CD163L1: variants seen among roughly 807,000 people sequenced by gnomAD.
CD163L1 encodes the protein scavenger receptor cysteine-rich type 1 protein M160.
A neutral mutation model predicts 165.4 loss-of-function variants in CD163L1; 124 were observed. That is an observed-to-expected ratio of 0.75 (90% CI 0.65 to 0.87). The LOEUF (loss-of-function observed/expected upper bound fraction) is 0.87. Among genes scored for constraint, CD163L1 ranks in the 40% least tolerant of loss-of-function variants. The pLI is 0.00. For missense variants in CD163L1, 1,525 were observed against 1,799.9 expected (o/e 0.85, Z 2.76); for synonymous variants, 585 against 662.2 (o/e 0.88, Z 1.79).
chr12:7,348,091 T>C (rs1946682184), intron 4 of CD163L1, among the ~76,000 whole-genome samples: 1 of 152,216 alleles, frequency 6.6e-6, no homozygotes. Context: ...AATTTGTTTT[T>C]TTCTTATATT....
chr12:7,353,668 C>G (rs1478647398), downstream of CD163L1, among the ~76,000 whole-genome samples: 5 of 151,952 alleles, frequency 3.3e-5, no homozygotes, highest in East Asian at 9.6e-4. Context: ...AGAGAGAGGA[C>G]AGACAAAAGA....
chr12:7,369,718 A>G lies in CD163L1; in HGVS notation c.3731-53T>C, dbSNP rs1947107259. On this transcript the variant is annotated intron_variant, in intron 14 of 19. Transcript: ENST00000313599. This position sits in a 1 kb window ranked among gnomAD's most constrained non-coding sequence, Gnocchi z 4.9. ...TTACTCCTGAAGGAGGTTGTGGGAG[A>G]ATGCTGAGGTAGAAAAACTTGAAAG... 2 of 1,528,592 alleles carry G rather than the reference A, an allele frequency of 1.3e-6. No homozygotes were observed. The highest frequency in any genetic ancestry group is 1.8e-6 in the Non-Finnish European group (2 of 1,121,500). The allele number at this position is 1,528,592 out of a possible 1,614,324, so 94.7% of individuals were successfully genotyped here. A position where few individuals can be genotyped will look rare whatever the true frequency, so the allele number is the denominator to read the frequency against.
intron 1 of CD163L1, among the ~76,000 whole-genome samples, chr12:7,443,154 AC>A (rs542755594): frequency 7.9e-4 from 121 of 152,296 alleles, no homozygotes; most frequent in Non-Finnish European, 1.5e-3. Context: ...AACTGTAGAA[AC>A]CCTTTTTCAA....
the CD163L1 span, chr12:7,324,407 A>G: frequency 2.0e-5 from 32 of 1,613,944 alleles, no homozygotes; most frequent in Non-Finnish European, 2.5e-5. Context: ...CTGGGTTTGT[A>G]TATTTGCCAC....
intron 4 of CD163L1, among the ~76,000 whole-genome samples, chr12:7,420,986 T>C (rs1355876500): frequency 7.2e-6 from 1 of 138,410 alleles, no homozygotes; most frequent in Non-Finnish European, 1.5e-5. Flanking sequence ...GAAATTGTGG[T>C]ATATATATAC....
rs772048774 is a variant in CD163L1, at chr12:7,406,767, C to T, written c.852G>A (p.Gly284=). ...TGTTCCACTTATGGTGGCATACGGTCCCCCACCTTCCTTGGATTTTCAGCT... is the reference window on the plus strand; with the variant it reads ...TGTTCCACTTATGGTGGCATACGGTTCCCCACCTTCCTTGGATTTTCAGCT... ...RVELKIQGRW[G]TVCHHKWNNA... is the part of the protein sequence containing the mutation. The change falls in exon 5 of 20, where the codon GGG becomes GGA. Residue 284 remains glycine (G), a synonymous_variant. Coordinates refer to ENST00000313599, the MANE Select transcript of CD163L1 (RefSeq NM_174941.6). The T allele has an allele frequency of 3.7e-6, 6 of 1,613,848 alleles. No individual in the cohort carries two copies. Among genetic ancestry groups the T allele is most frequent in the Non-Finnish European group, 5.1e-6 (6 of 1,179,968 alleles).
In CD163L1 at chr12:7,407,692, G is replaced by C. The variant is rs115195216; in HGVS notation, c.767-840C>G. 2.9e-3 allele frequency among the ~76,000 whole-genome samples: 436 copies of C among 151,136 alleles called. 2 individuals carry two copies. The highest frequency in any genetic ancestry group is 0.01 in the African/African-American group (415 of 41,200). On this transcript the variant is annotated intron_variant, in intron 4 of 19. Transcript: ENST00000313599. ...ATATATACACACACATATATATAGT[G>C]ATCAATTTTGCTAAGTGATATAAAG... is the stretch of plus-strand genomic sequence containing the variant.
chr12:7,444,086 C>G lies in CD163L1; in HGVS notation c.31+11G>C, dbSNP rs372595866. On this transcript the variant is annotated intron_variant, in intron 1 of 19. Coordinates refer to ENST00000313599, the MANE Select transcript of CD163L1 (RefSeq NM_174941.6). ...CCCAAATGGCAGAGCAAAATAAAAGCAAAACCTTACCAATATGCCACGAGT... is the reference window on the plus strand; with the variant it reads ...CCCAAATGGCAGAGCAAAATAAAAGGAAAACCTTACCAATATGCCACGAGT... 1.5e-5 allele frequency: 24 copies of G among 1,613,668 alleles called. No homozygotes were observed. The South Asian group carries it at 2.2e-4, about 15-fold the overall frequency.
At position 7,374,383 on chromosome 12, in the gene CD163L1, T is replaced by TGTGTGTGCAAGTGTGTGCAC. The variant is rs1947208712; in HGVS notation, c.3409+39_3409+58dup. On this transcript the variant is annotated intron_variant, in intron 13 of 19. Coordinates refer to ENST00000313599, the MANE Select transcript of CD163L1 (RefSeq NM_174941.6). This position sits in a 1 kb window ranked among gnomAD's most constrained non-coding sequence, Gnocchi z 5.4. ...TTCACTACACTTTACAATTGTGTTG[T>TGTGTGTGCAAGTGTGTGCAC]GTGTGTGCAAGTGTGTGCACGTGTG... The TGTGTGTGCAAGTGTGTGCAC allele has an allele frequency of 6.7e-7, 1 of 1,492,888 alleles. No homozygotes were observed. Among genetic ancestry groups the TGTGTGTGCAAGTGTGTGCAC allele is most frequent in the Non-Finnish European group, 9.0e-7 (1 of 1,105,354 alleles). 92.5% of individuals were successfully genotyped at this position (1,492,888 alleles called of 1,614,324 possible).
rs371280203 is a variant in CD163L1, at chr12:7,373,449, C to G, written c.3601G>C (p.Gly1201Arg). 8 of 1,614,200 alleles carry G rather than the reference C, an allele frequency of 5.0e-6. No individual in the cohort carries two copies. Among genetic ancestry groups the G allele is most frequent in the Non-Finnish European group, 6.8e-6 (8 of 1,180,030 alleles). The stretch of plus-strand genomic sequence containing the variant: ...TCATCCACCCACATGAAACCAGAGC[C>G]TGTCTTAGATAAAGGGGCGAGGCTG... ...VVSLAPLSKT[G>R]SGFMWVDDIQ... The change falls in exon 14 of 20, where the codon GGC becomes CGC. Residue 1201 changes from glycine to arginine, a missense_variant. Coordinates refer to ENST00000313599, the MANE Select transcript of CD163L1 (RefSeq NM_174941.6).
downstream of CD163L1, among the ~76,000 whole-genome samples, chr12:7,350,035 T>G (rs1387888154): frequency 6.6e-6 from 1 of 152,184 alleles, no homozygotes; most frequent in Non-Finnish European, 1.5e-5. Context: ...CCTTCTCTTC[T>G]CTGAGCTCCC....
chr12:7,364,703 A>G (rs746613962), intron 18 of CD163L1, among the ~76,000 whole-genome samples: 1 of 152,284 alleles, frequency 6.6e-6, no homozygotes, highest in East Asian at 1.9e-4. Flanking sequence ...TATAAAGAAT[A>G]TAAAATACTT....
At chr12:7,419,650 C>T (rs1359550018) in intron 4 of CD163L1, among the ~76,000 whole-genome samples, 1 of 152,004 alleles carries the variant, frequency 6.6e-6, no homozygotes, top group East Asian at 1.9e-4. Flanking sequence ...TAAAAGAATT[C>T]AGCAAAGTTA....
At chr12:7,391,026 T>A (rs962344054) in intron 8 of CD163L1, among the ~76,000 whole-genome samples, 2 of 152,080 alleles carry the variant, frequency 1.3e-5, no homozygotes, top group Admixed American at 6.6e-5. Context: ...AGAAGACAGG[T>A]AACTTCTGCA....
At chr12:7,370,793 C>T (rs1219936295) in intron 14 of CD163L1, among the ~76,000 whole-genome samples, 1 of 152,106 alleles carries the variant, frequency 6.6e-6, no homozygotes, top group Non-Finnish European at 1.5e-5. Context: ...TTAATAAATA[C>T]TTTTAGACTA....
At chr12:7,322,340 G>A in the CD163L1 span, 5 of 1,590,612 alleles carry the variant, frequency 3.1e-6, no homozygotes, top group African/African-American at 6.7e-5. Flanking sequence ...TATGCTTACT[G>A]CTTGAATGTC....
chr12:7,420,702 G>T (rs1948331429), intron 4 of CD163L1, among the ~76,000 whole-genome samples: 1 of 151,576 alleles, frequency 6.6e-6, no homozygotes. Flanking sequence ...AAAAGTAATA[G>T]ATGGTTTCAA....
chr12:7,395,998 G>A, intron 8 of CD163L1, 97 bp downstream of exon 8: 1 of 907,760 alleles, frequency 1.1e-6, no homozygotes, highest in Non-Finnish European at 1.7e-6. Flanking sequence ...AGTGAGCAAT[G>A]AGCACTCGGT....
chr12:7,423,347 T>G lies in CD163L1; in HGVS notation c.766+9069A>C, dbSNP rs111428083. Among the ~76,000 whole-genome samples the G allele has an allele frequency of 7.1e-3, 1,085 of 152,240 alleles. 15 individuals are homozygous for G. Among genetic ancestry groups the G allele is most frequent in the African/African-American group, 0.025 (1,028 of 41,538 alleles). On this transcript the variant is annotated intron_variant, in intron 4 of 19. Transcript: ENST00000313599. ...CTAACACAGTGCTAAGAGGGAAATT[T>G]ATAGCATTAAATGCCCACATCAGAA...
Sources: allele counts gnomAD v4.1 joint callset (sites outside exome capture counted in the v4.1 genomes callset), GRCh38; gene constraint gnomAD v4.1.1; non-coding constraint Gnocchi (gnomAD v3.1); transcripts MANE v1.5; gene names NCBI Gene and HGNC (gene_info 2026-07-23, HGNC 2026-07-21).